PPP2R2C: variants seen among roughly 807,000 people sequenced by gnomAD.
PPP2R2C encodes protein phosphatase 2, regulatory subunit B, gamma.
In PPP2R2C, 10 loss-of-function variants were observed where a neutral mutation model predicts 45.3. That is an observed-to-expected ratio of 0.22 (90% CI 0.14 to 0.37). The LOEUF (loss-of-function observed/expected upper bound fraction) is 0.37. Ranked by LOEUF, PPP2R2C falls within the 10% of genes least tolerant of loss-of-function variation. PPP2R2C has a pLI of 1.00. For synonymous variants in PPP2R2C, 257 were observed against 245.4 expected (o/e 1.05, Z -0.44); for missense variants, 308 against 619.7 (o/e 0.50, Z 5.34).
Position 6,350,473 on chromosome 4 carries a change from C to A in PPP2R2C, c.626-2463G>T, listed in dbSNP as rs1298267338. ...TGCACACCCTGAGACACACAAAAGC[C>A]ACAGGAGGCTTGGTGGCAACAGAAG... On this transcript the variant is annotated intron_variant, in intron 5 of 8. Coordinates refer to ENST00000382599, the MANE Select transcript of PPP2R2C (RefSeq NM_020416.4). The A allele has an allele frequency of 6.1e-6, 6 of 985,482 alleles. No homozygotes were observed. The East Asian group carries it at 6.8e-4, about 112-fold the overall frequency. 61.0% of individuals were successfully genotyped at this position (985,482 alleles called of 1,614,324 possible).
intron 2 of PPP2R2C, among the ~76,000 whole-genome samples, chr4:6,516,380 C>G (rs73088104): frequency 0.039 from 6,017 of 152,332 alleles, 461 homozygotes; most frequent in African/African-American, 0.14. Context: ...CTCGTCTTAC[C>G]CGCAGTGCTG....
intron 1 of PPP2R2C, among the ~76,000 whole-genome samples, chr4:6,418,093 G>A (rs1718717429): frequency 6.6e-6 from 1 of 152,182 alleles, no homozygotes; most frequent in African/African-American, 2.4e-5. Flanking sequence ...GCTTCTTTGG[G>A]CATGTGCTTC....
intron 2 of PPP2R2C, among the ~76,000 whole-genome samples, chr4:6,502,918 C>T (rs1026958110): frequency 6.6e-6 from 1 of 152,120 alleles, no homozygotes; most frequent in African/African-American, 2.4e-5. Context: ...ATCCCAGACC[C>T]GGCCGCTATT....
chr4:6,355,611 G>A (rs901932769), intron 5 of PPP2R2C, among the ~76,000 whole-genome samples: 2 of 151,636 alleles, frequency 1.3e-5, no homozygotes, highest in Admixed American at 6.6e-5. Context: ...GGTTTTTTAG[G>A]AGTGGATCGT....
intron 1 of PPP2R2C, chr4:6,383,043 C>A (rs1315244555): frequency 1.5e-5 from 16 of 1,083,208 alleles, no homozygotes; most frequent in Non-Finnish European, 1.8e-5. Context: ...CTGCCCCCCA[C>A]CTTGATTCTG....
chr4:6,342,526 G>C (rs1733531891), intron 6 of PPP2R2C, among the ~76,000 whole-genome samples: 1 of 152,216 alleles, frequency 6.6e-6, no homozygotes, highest in Non-Finnish European at 1.5e-5. Context: ...CACCGGGCCA[G>C]GCACGTCGTT....
In PPP2R2C at chr4:6,378,689, C is replaced by T; in HGVS notation, c.169-117G>A. 1 of 1,107,040 alleles carries T rather than the reference C, an allele frequency of 9.0e-7. No homozygotes were observed. 68.6% of individuals were successfully genotyped at this position (1,107,040 alleles called of 1,614,324 possible). A position where few individuals can be genotyped will look rare whatever the true frequency, so the allele number is the denominator to read the frequency against. On this transcript the variant is annotated intron_variant, in intron 2 of 8. Transcript: ENST00000382599. This position sits in a 1 kb window ranked among gnomAD's most constrained non-coding sequence, Gnocchi z 5.2. ...CCAAGTGCCGAGCCGTGCCAGGGAT[C>T]CAATTCGAGGGTCAAATGAAACTCT...
intron 5 of PPP2R2C, among the ~76,000 whole-genome samples, chr4:6,366,621 G>A (rs748768574): frequency 1.4e-4 from 21 of 152,220 alleles, no homozygotes; most frequent in Non-Finnish European, 2.5e-4. Context: ...CCTAGGAGGG[G>A]TGTGGCAGGG....
intron 2 of PPP2R2C, among the ~76,000 whole-genome samples, chr4:6,533,504 T>TA (rs1180667249): frequency 6.6e-6 from 1 of 152,122 alleles, no homozygotes; most frequent in Non-Finnish European, 1.5e-5. Flanking sequence ...ACAGCCCCGA[T>TA]ACCAGCCATC....
chr4:6,374,204 C>G (rs1252798267), intron 4 of PPP2R2C, among the ~76,000 whole-genome samples: 1 of 152,158 alleles, frequency 6.6e-6, no homozygotes, highest in Non-Finnish European at 1.5e-5. Flanking sequence ...ATCACTGGCC[C>G]AGCAAAGTCT....
chr4:6,435,693 G>A (rs1400134495), intron 1 of PPP2R2C, among the ~76,000 whole-genome samples: 1 of 152,192 alleles, frequency 6.6e-6, no homozygotes, highest in African/African-American at 2.4e-5. Context: ...TTGTGAGTGA[G>A]AGTCAGTTCT....
intron 1 of PPP2R2C, among the ~76,000 whole-genome samples, chr4:6,395,587 A>G (rs1170823426): frequency 6.6e-6 from 1 of 151,426 alleles, no homozygotes; most frequent in Non-Finnish European, 1.5e-5. Flanking sequence ...CAGAGGCGGG[A>G]CCCCCCACAG....
intron 2 of PPP2R2C, among the ~76,000 whole-genome samples, chr4:6,490,105 T>C (rs1304682859): frequency 6.6e-6 from 1 of 152,088 alleles, no homozygotes; most frequent in Non-Finnish European, 1.5e-5. Context: ...CAGGCATCCG[T>C]CCCTCCCACC....
At chr4:6,535,422 T>TGGTGC in intron 1 of PPP2R2C, 4 of 1,311,404 alleles carry the variant, frequency 3.1e-6, no homozygotes, top group Non-Finnish European at 4.2e-6. Flanking sequence ...CAAAGAGCCT[T>TGGTGC]GGTGCATGCA....
chr4:6,367,838 G>A, intron 5 of PPP2R2C, among the ~76,000 whole-genome samples: 1 of 152,112 alleles, frequency 6.6e-6, no homozygotes, highest in East Asian at 1.9e-4. Context: ...GATCCAATCG[G>A]GGAGGTTTCC....
chr4:6,539,688 G>A lies in PPP2R2C; in HGVS notation c.-58-4311C>T, dbSNP rs375363259. On this transcript the variant is annotated intron_variant, in intron 1 of 9. Coordinates refer to the PPP2R2C transcript ENST00000506140. ...GGCAGTGGTCAAGGGTGGCAAGTGC[G>A]TGGGGAAATGGAAGAATCAGATCTG... 3.2e-4 allele frequency among the ~76,000 whole-genome samples: 48 copies of A among 152,316 alleles called. No individual in the cohort carries two copies. The South Asian group carries it at 8.5e-3, about 27-fold the overall frequency.
At chr4:6,493,329 A>G (rs1336154938) in intron 2 of PPP2R2C, among the ~76,000 whole-genome samples, 1 of 151,516 alleles carries the variant, frequency 6.6e-6, no homozygotes, top group Non-Finnish European at 1.5e-5. Flanking sequence ...GTCTCCCTCA[A>G]TCAGAATGTC....
intron 1 of PPP2R2C, among the ~76,000 whole-genome samples, chr4:6,456,257 C>T (rs975783045): frequency 6.6e-6 from 1 of 151,668 alleles, no homozygotes; most frequent in African/African-American, 2.4e-5. Flanking sequence ...GAAGGAAATG[C>T]AACAAAATGT....
chr4:6,325,608 C>T (rs1224640911), intron 8 of PPP2R2C, among the ~76,000 whole-genome samples: 1 of 152,188 alleles, frequency 6.6e-6, no homozygotes, highest in Non-Finnish European at 1.5e-5. Flanking sequence ...ATTTGCAACC[C>T]ACACAGTTCC....
Sources: gnomAD v4.1 joint callset for allele counts (sites outside exome capture counted in the v4.1 genomes callset) on GRCh38, gnomAD v4.1.1 for gene constraint, Gnocchi (gnomAD v3.1) non-coding constraint, MANE v1.5 for transcripts, NCBI Gene and HGNC (gene_info 2026-07-23, HGNC 2026-07-21) for gene names.